Variants in TAFA1 observed in about 807,000 individuals in gnomAD.
The protein encoded by TAFA1 is chemokine-like protein TAFA-1.
A neutral mutation model predicts 18.5 loss-of-function variants in TAFA1; 4 were observed. That is an observed-to-expected ratio of 0.22 (90% CI 0.11 to 0.49). The LOEUF (loss-of-function observed/expected upper bound fraction) is 0.49, where lower values mean the gene tolerates loss of function less well. Among genes scored for constraint, TAFA1 ranks in the 20% least tolerant of loss-of-function variants. The pLI is 0.98. For missense variants in TAFA1, 147 were observed against 169.0 expected (o/e 0.87, Z 0.72); for synonymous variants, 56 against 55.2 (o/e 1.01, Z -0.06).
At position 68,544,594 on chromosome 3, in the gene TAFA1, G is replaced by A; in HGVS notation, c.*91G>A. 7.5e-7 allele frequency: 1 copy of A among 1,329,660 alleles called. No individual in the cohort carries two copies. The allele number at this position is 1,329,660 out of a possible 1,614,324, so 82.4% of individuals were successfully genotyped here. ...ATCTCACATATATACAAGCCAAATG[G>A]ATTTCTTACTTGCACTTTGACTGGC... On this transcript the variant is annotated 3_prime_UTR_variant, in exon 5 of 5. Transcript: ENST00000478136.
chr3:68,205,477 G>A (rs1031161680), intron 2 of TAFA1, among the ~76,000 whole-genome samples: 1 of 151,800 alleles, frequency 6.6e-6, no homozygotes, highest in Admixed American at 6.6e-5. Flanking sequence ...AAATTCTCTC[G>A]GTCCCACTTT....
At chr3:68,105,293 G>T (rs532515437) in intron 2 of TAFA1, among the ~76,000 whole-genome samples, 1 of 152,232 alleles carries the variant, frequency 6.6e-6, no homozygotes, top group South Asian at 2.1e-4. Flanking sequence ...AAAAATATTG[G>T]TTGGCACACA....
chr3:68,142,688 A>G (rs183415466), intron 2 of TAFA1, among the ~76,000 whole-genome samples: 1 of 152,338 alleles, frequency 6.6e-6, no homozygotes, highest in Admixed American at 6.5e-5. Flanking sequence ...TGTGTCTATG[A>G]TAGTGGTAGT....
At chr3:68,377,870 C>T (rs1187005022) in intron 2 of TAFA1, among the ~76,000 whole-genome samples, 3 of 152,188 alleles carry the variant, frequency 2.0e-5, no homozygotes, top group Non-Finnish European at 2.9e-5. Flanking sequence ...GCCAAGGTAC[C>T]ACTCGGCCTG....
chr3:68,413,940 T>G (rs924314018), intron 2 of TAFA1, among the ~76,000 whole-genome samples: 3 of 152,104 alleles, frequency 2.0e-5, no homozygotes, highest in African/African-American at 4.8e-5. Context: ...ATGGGGTACA[T>G]GCCTGGGGTG....
At chr3:68,211,009 C>CCTTT (rs2066590376) in intron 2 of TAFA1, among the ~76,000 whole-genome samples, 1 of 151,974 alleles carries the variant, frequency 6.6e-6, no homozygotes, top group South Asian at 2.1e-4. Context: ...TGAAAGGAGA[C>CCTTT]CTTTGTCCCT....
At chr3:68,377,931 G>A (rs2069850919) in intron 2 of TAFA1, among the ~76,000 whole-genome samples, 1 of 152,204 alleles carries the variant, frequency 6.6e-6, no homozygotes, top group South Asian at 2.1e-4. Flanking sequence ...ACGTGGTGAT[G>A]GGCCTGTGGG....
chr3:68,340,109 G>A (rs1307137403), intron 2 of TAFA1, among the ~76,000 whole-genome samples: 1 of 152,062 alleles, frequency 6.6e-6, no homozygotes, highest in African/African-American at 2.4e-5. Context: ...TGAAAATATG[G>A]TGCTTTAAAC....
chr3:68,332,629 A>G (rs2068901907), intron 2 of TAFA1, among the ~76,000 whole-genome samples: 1 of 152,234 alleles, frequency 6.6e-6, no homozygotes, highest in South Asian at 2.1e-4. Flanking sequence ...TAAAGAAGAC[A>G]TGCATATTAA....
intron 2 of TAFA1, among the ~76,000 whole-genome samples, chr3:68,370,064 G>C (rs578158320): frequency 3.3e-5 from 5 of 150,838 alleles, no homozygotes; most frequent in Non-Finnish European, 7.4e-5. Context: ...CGAGGCAGGC[G>C]GATCACAAGG....
intron 2 of TAFA1, among the ~76,000 whole-genome samples, chr3:68,262,355 A>ATT (rs2067451608): frequency 2.3e-5 from 2 of 86,728 alleles, no homozygotes; most frequent in Non-Finnish European, 4.5e-5. Flanking sequence ...ATATATATAT[A>ATT]TATTTCATGG....
chr3:68,034,010 A>G (rs1319392272), intron 2 of TAFA1, among the ~76,000 whole-genome samples: 1 of 152,218 alleles, frequency 6.6e-6, no homozygotes, highest in African/African-American at 2.4e-5. Flanking sequence ...TATAGACCGG[A>G]GCAAAGATCT....
At chr3:68,205,192 T>A (rs978632118) in intron 2 of TAFA1, among the ~76,000 whole-genome samples, 1 of 151,868 alleles carries the variant, frequency 6.6e-6, no homozygotes, top group Non-Finnish European at 1.5e-5. Context: ...CCAGAGATGA[T>A]TTAAATTCAT....
rs138446270 is a variant in TAFA1 at position 68,476,934 on chromosome 3, G to A, written c.259+59514G>A. Among the ~76,000 whole-genome samples the A allele has an allele frequency of 3.2e-3, 488 of 152,118 alleles. 4 individuals carry two copies. Among genetic ancestry groups the A allele is most frequent in the African/African-American group, 0.011 (452 of 41,462 alleles). On this transcript the variant is annotated intron_variant, in intron 3 of 4. Coordinates refer to ENST00000478136, the MANE Select transcript of TAFA1 (RefSeq NM_213609.4). ...ATAACATAAATATTAAAAGGCTGCT[G>A]GAATTTACACAAGGTAAATACACCC...
At chr3:68,136,097 A>C (rs950207292) in intron 2 of TAFA1, among the ~76,000 whole-genome samples, 2 of 152,160 alleles carry the variant, frequency 1.3e-5, no homozygotes, top group African/African-American at 4.8e-5. Flanking sequence ...TTTTCTTTTT[A>C]TCAGTCAATT....
At chr3:68,127,671 T>C (rs1358599204) in intron 2 of TAFA1, among the ~76,000 whole-genome samples, 2 of 1,046 alleles carry the variant, frequency 1.9e-3, no homozygotes, top group African/African-American at 4.7e-3. Flanking sequence ...GGTGTGATGA[T>C]GGTGGTGGTG....
intron 3 of TAFA1, among the ~76,000 whole-genome samples, chr3:68,429,923 G>T (rs757178155): frequency 6.6e-6 from 1 of 151,772 alleles, no homozygotes; most frequent in Non-Finnish European, 1.5e-5. Context: ...TTGTTGACTT[G>T]TTATCTCCTT....
chr3:68,519,112 G>A (rs1338958008), intron 3 of TAFA1, among the ~76,000 whole-genome samples: 1 of 152,188 alleles, frequency 6.6e-6, no homozygotes, highest in African/African-American at 2.4e-5. Context: ...TGGTCTGAAT[G>A]TGTGTGTCTC....
At chr3:68,080,340 A>T (rs1482832968) in intron 2 of TAFA1, among the ~76,000 whole-genome samples, 2 of 151,354 alleles carry the variant, frequency 1.3e-5, no homozygotes, top group Non-Finnish European at 2.9e-5. Context: ...TTATGTGTGA[A>T]TTTGATCCTG....
Sources: gnomAD v4.1 joint callset for allele counts (sites outside exome capture counted in the v4.1 genomes callset) on GRCh38, gnomAD v4.1.1 for gene constraint, MANE v1.5 for transcripts, NCBI Gene and HGNC (gene_info 2026-07-23, HGNC 2026-07-21) for gene names.